Variants in AKAP12 observed in about 807,000 individuals in gnomAD.
AKAP12 encodes the protein A-kinase anchoring protein 12.
A neutral mutation model predicts 79.9 loss-of-function variants in AKAP12; 32 were observed. That is an observed-to-expected ratio of 0.40 (90% CI 0.30 to 0.54). AKAP12 has a LOEUF of 0.54. Ranked by LOEUF, AKAP12 falls within the 20% of genes least tolerant of loss-of-function variation. AKAP12 has a pLI of 0.48. For synonymous variants in AKAP12, 808 were observed against 857.0 expected, an observed-to-expected ratio of 0.94 and a Z score of 1.00; for missense variants, 2,074 against 2,177.0, an observed-to-expected ratio of 0.95 and a Z score of 0.94.
chr6:151,273,353 G>C (rs1456938853), intron 2 of AKAP12, among the ~76,000 whole-genome samples: 1 of 152,222 alleles, frequency 6.6e-6, no homozygotes, highest in Non-Finnish European at 1.5e-5. Flanking sequence ...TTGACTGTTA[G>C]ATGCTAGTAA....
intron 3 of AKAP12, among the ~76,000 whole-genome samples, chr6:151,327,581 G>A (rs955456713): frequency 2.0e-5 from 3 of 151,980 alleles, no homozygotes; most frequent in Non-Finnish European, 4.4e-5. Flanking sequence ...TCAATTAGTC[G>A]CATACTGAGA....
Position 151,248,015 on chromosome 6 carries a change from T to A in AKAP12, c.162+7291T>A, listed in dbSNP as rs142687502. Reference sequence around the variant, plus strand: ...AATCCCAGTTGTAGTAGCATGTCAGTTTCATGTTTGATTTCAAAACGAAAT... The same window carrying A: ...AATCCCAGTTGTAGTAGCATGTCAGATTCATGTTTGATTTCAAAACGAAAT... On this transcript the variant is annotated intron_variant, in intron 2 of 4. Coordinates refer to ENST00000402676, the MANE Select transcript of AKAP12 (RefSeq NM_005100.4). Among the ~76,000 whole-genome samples, 5 of 152,136 alleles carry A rather than the reference T, an allele frequency of 3.3e-5. No homozygotes were observed. The East Asian group carries it at 7.7e-4, about 23-fold the overall frequency.
chr6:151,267,576 T>C (rs1776075888), intron 2 of AKAP12, among the ~76,000 whole-genome samples: 1 of 152,112 alleles, frequency 6.6e-6, no homozygotes. Context: ...AGTAGGGCTA[T>C]TGGGTGGTTT....
chr6:151,258,455 T>C (rs188198593), intron 2 of AKAP12, among the ~76,000 whole-genome samples: 5 of 152,312 alleles, frequency 3.3e-5, no homozygotes, highest in East Asian at 1.9e-4. Context: ...GACAGTCTCA[T>C]AGAAAAGCAA....
intron 2 of AKAP12, among the ~76,000 whole-genome samples, chr6:151,275,583 G>C (rs930890360): frequency 1.3e-5 from 2 of 152,146 alleles, no homozygotes; most frequent in Non-Finnish European, 2.9e-5. Context: ...AAGACATTTG[G>C]GTGAATCATT....
intron 2 of AKAP12, among the ~76,000 whole-genome samples, chr6:151,244,709 AT>A (rs1170584685): frequency 6.6e-6 from 1 of 152,360 alleles, no homozygotes; most frequent in East Asian, 1.9e-4. Context: ...GGCAAGAATT[AT>A]ATGTTTCTTA....
intron 2 of AKAP12, among the ~76,000 whole-genome samples, chr6:151,264,670 C>CAA (rs11300375): frequency 1.8e-4 from 17 of 96,068 alleles, no homozygotes; most frequent in African/African-American, 4.1e-4. Flanking sequence ...GACTTCATCT[C>CAA]AAAAAAAAAA....
intron 2 of AKAP12, among the ~76,000 whole-genome samples, chr6:151,302,855 A>G (rs1219284353): frequency 6.6e-6 from 1 of 152,132 alleles, no homozygotes; most frequent in Non-Finnish European, 1.5e-5. Flanking sequence ...CCTGTTACTA[A>G]TCAAATCTAA....
intron 2 of AKAP12, among the ~76,000 whole-genome samples, chr6:151,294,268 A>T (rs1455693647): frequency 6.6e-6 from 1 of 152,142 alleles, no homozygotes; most frequent in African/African-American, 2.4e-5. Context: ...CACCATGTTC[A>T]GCCTGGAGTT....
chr6:151,334,714 C>G (rs915219029), intron 3 of AKAP12, among the ~76,000 whole-genome samples: 1 of 150,988 alleles, frequency 6.6e-6, no homozygotes, highest in Non-Finnish European at 1.5e-5. Context: ...CTCCGCCTCC[C>G]GGGTTCACGC....
At chr6:151,255,295 A>G (rs780736294) in intron 2 of AKAP12, among the ~76,000 whole-genome samples, 6 of 151,802 alleles carry the variant, frequency 4.0e-5, no homozygotes, top group Admixed American at 6.6e-5. Flanking sequence ...CCTCCTGAGT[A>G]GCTGGGATTA....
intron 2 of AKAP12, among the ~76,000 whole-genome samples, chr6:151,247,436 A>G (rs1446572716): frequency 6.6e-6 from 1 of 152,066 alleles, no homozygotes; most frequent in Admixed American, 6.6e-5. Flanking sequence ...AAAAACAAAA[A>G]AACTTTTTCC....
At chr6:151,254,777 G>T (rs891976445) in intron 2 of AKAP12, among the ~76,000 whole-genome samples, 2 of 152,202 alleles carry the variant, frequency 1.3e-5, no homozygotes, top group Admixed American at 1.3e-4. Flanking sequence ...AGAATCTGGT[G>T]ACTGAAGAGG....
rs1582899650 is a variant in AKAP12 at position 151,348,752 on chromosome 6, G to A, written c.361G>A (p.Asp121Asn). Residue 121 changes from aspartate (D) to asparagine (N), a missense_variant, in exon 4 of 5, where the codon GAT (aspartate) becomes AAT (asparagine). Around this residue, in one of 3 missense-constraint regions of AKAP12, gnomAD observed 1,428 missense variants for 1,451.0 expected, o/e 0.98. Transcript: ENST00000402676. The stretch of plus-strand genomic sequence containing the variant: ...TGAAGATGTGAGCAAAAGAGACTCC[G>A]ATAAAGAGATGGCTACTAAGTCAGC... ...DSEDVSKRDS[D>N]KEMATKSAVV... The A allele has an allele frequency of 1.1e-5, 15 of 1,415,244 alleles. No homozygotes were observed. The highest frequency in any genetic ancestry group is 1.3e-5 in the Non-Finnish European group (14 of 1,060,982). 87.7% of individuals were successfully genotyped at this position (1,415,244 alleles called of 1,614,324 possible).
At chr6:151,279,905 A>G (rs138638382) in intron 2 of AKAP12, among the ~76,000 whole-genome samples, 124 of 152,262 alleles carry the variant, frequency 8.1e-4, no homozygotes, top group African/African-American at 3.0e-3. Flanking sequence ...TTAAATAAAT[A>G]TCTTTTTTTA....
chr6:151,244,510 C>A (rs1002085614), intron 2 of AKAP12, among the ~76,000 whole-genome samples: 1 of 150,288 alleles, frequency 6.7e-6, no homozygotes, highest in East Asian at 1.9e-4. Context: ...GGCAACAGAG[C>A]GAGACTCTGT....
chr6:151,290,875 G>T (rs761618075), intron 2 of AKAP12, among the ~76,000 whole-genome samples: 2 of 152,176 alleles, frequency 1.3e-5, no homozygotes, highest in Admixed American at 6.5e-5. Context: ...CTACCGAAGT[G>T]CTGGGATTAC....
At position 151,350,960 on chromosome 6, in the gene AKAP12, A is replaced by T. The variant is rs1359712597; in HGVS notation, c.2569A>T (p.Arg857Trp). 6.2e-7 allele frequency: 1 copy of T among 1,614,050 alleles called. No homozygotes were observed. The highest frequency in any genetic ancestry group is 1.1e-5 in the South Asian group (1 of 91,078). The change falls in exon 4 of 5, where the codon AGG (arginine) becomes TGG (tryptophan). Residue 857 changes from arginine to tryptophan, a missense_variant. Coordinates refer to ENST00000402676, the MANE Select transcript of AKAP12 (RefSeq NM_005100.4). The surrounding 1 kb of genome is among the most constrained non-coding windows in gnomAD (Gnocchi z 4.8). ...VPLSEYDAVE[R>W]EKMEAQQAQK... ...TCTGTCTGAGTATGATGCTGTAGAA[A>T]GGGAGAAAATGGAGGCACAGCAAGC...
At chr6:151,325,201 T>C (rs967159154) in intron 3 of AKAP12, 1 of 985,194 alleles carries the variant, frequency 1.0e-6, no homozygotes, top group East Asian at 1.1e-4. Flanking sequence ...GGTGAAAATA[T>C]CAAATGCTAC....
Sources: gnomAD v4.1 joint callset for allele counts (sites outside exome capture counted in the v4.1 genomes callset) on GRCh38, gnomAD v4.1.1 for gene constraint, gnomAD v4.1.1 regional missense constraint, Gnocchi (gnomAD v3.1) non-coding constraint, MANE v1.5 for transcripts, NCBI Gene and HGNC (gene_info 2026-07-23, HGNC 2026-07-21) for gene names.